Variants in NME7 observed in about 807,000 individuals in gnomAD.
NME7 encodes NME/NM23 family member 7.
In NME7, 41 loss-of-function variants were observed where a neutral mutation model predicts 49.1. That is an observed-to-expected ratio of 0.83 (90% confidence interval 0.65 to 1.08). The LOEUF is 1.08. Among genes scored for constraint, NME7 ranks in the 50% least tolerant of loss-of-function variants. NME7 has a pLI of 0.00. For missense variants in NME7, 423 were observed against 463.4 expected, an observed-to-expected ratio of 0.91 and a Z score of 0.80; for synonymous variants, 139 against 150.6, an observed-to-expected ratio of 0.92 and a Z score of 0.56.
chr1:169,186,359 T>G (rs1229646370), intron 10 of NME7, among the ~76,000 whole-genome samples: 2 of 152,158 alleles, frequency 1.3e-5, no homozygotes, highest in Non-Finnish European at 2.9e-5. Flanking sequence ...GGCTAAGGAT[T>G]TGAATGCTCT....
intron 10 of NME7, among the ~76,000 whole-genome samples, chr1:169,196,646 T>G (rs1660388402): frequency 6.6e-6 from 1 of 152,168 alleles, no homozygotes; most frequent in African/African-American, 2.4e-5. Flanking sequence ...GATTTAATAT[T>G]TGCAACTTCA....
At chr1:169,241,567 C>A (rs1366478266) in intron 7 of NME7, among the ~76,000 whole-genome samples, 1 of 151,738 alleles carries the variant, frequency 6.6e-6, no homozygotes, top group East Asian at 1.9e-4. Context: ...ATATCTATTA[C>A]AAATTCTAAG....
chr1:169,323,400 TTC>T (rs1371206629), intron 2 of NME7, 117 bp from the exon 3 acceptor site: 3 of 776,418 alleles, frequency 3.9e-6, no homozygotes, highest in Non-Finnish European at 5.5e-6. Flanking sequence ...ATAGGTTATA[TTC>T]TGTTTCTTTT....
At chr1:169,255,286 C>A (rs1648870400) in intron 7 of NME7, among the ~76,000 whole-genome samples, 1 of 138,960 alleles carries the variant, frequency 7.2e-6, no homozygotes, top group African/African-American at 2.5e-5. Context: ...GTTAGCTCTT[C>A]TTGTTGAATT....
intron 7 of NME7, among the ~76,000 whole-genome samples, chr1:169,244,361 G>C (rs10919109): frequency 6.6e-6 from 1 of 152,018 alleles, no homozygotes; most frequent in South Asian, 2.1e-4. Flanking sequence ...GGCCAGGTGC[G>C]GTGGCTCACG....
Position 169,270,888 on chromosome 1 carries a change from G to A in NME7, c.754+16415C>T, listed in dbSNP as rs1346400787. Among the ~76,000 whole-genome samples, 2 of 133,756 alleles carry A rather than the reference G, an allele frequency of 1.5e-5. 1 individual carries two copies. The highest frequency in any genetic ancestry group is 3.5e-5 in the Non-Finnish European group (2 of 56,904). 87.7% of individuals were successfully genotyped at this position (133,756 alleles called of 152,430 possible). ...GCCAGAATTCAAACCTAAACAGCCT[G>A]ATTTCAGAGTAAAAGTAATTTATTT... is the stretch of plus-strand genomic sequence containing the variant. On this transcript the variant is annotated intron_variant, in intron 7 of 11. Coordinates refer to ENST00000367811, the MANE Select transcript of NME7 (RefSeq NM_013330.5).
chr1:169,287,064 A>G, intron 7 of NME7: 1 of 435,006 alleles, frequency 2.3e-6, no homozygotes. Flanking sequence ...TAACAGTATG[A>G]CTGAGCCTGA....
At chr1:169,354,739 C>T (rs896660756) in intron 1 of NME7, among the ~76,000 whole-genome samples, 12 of 140,488 alleles carry the variant, frequency 8.5e-5, no homozygotes, top group African/African-American at 1.3e-4. Flanking sequence ...CATACACACA[C>T]CTAGTATACT....
intron 3 of NME7, among the ~76,000 whole-genome samples, chr1:169,321,409 T>C (rs1057116051): frequency 1.3e-5 from 2 of 152,306 alleles, no homozygotes; most frequent in African/African-American, 4.8e-5. Context: ...CTGAGGTGTA[T>C]GTAAAGTGCA....
At chr1:169,147,937 A>G (rs1658805970) in intron 11 of NME7, among the ~76,000 whole-genome samples, 1 of 152,228 alleles carries the variant, frequency 6.6e-6, no homozygotes, top group African/African-American at 2.4e-5. Flanking sequence ...AAAATTGCTC[A>G]TACAATATTA....
intron 10 of NME7, among the ~76,000 whole-genome samples, chr1:169,198,764 A>G (rs1442308727): frequency 2.0e-5 from 3 of 152,122 alleles, no homozygotes; most frequent in African/African-American, 7.2e-5. Flanking sequence ...TTTTGAAGTG[A>G]TGAAAATATT....
rs1650417346 is a variant in NME7, at chr1:169,289,671, TTTC to T, written c.649-2266_649-2264del. ...TATTTTTGTCTCAACTTTCCTTTGA[TTTC>T]TTTTCTCGCTCAATTTTTAAAAATA... is the stretch of plus-strand genomic sequence containing the variant. On this transcript the variant is annotated intron_variant, in intron 6 of 11. Coordinates refer to ENST00000367811, the MANE Select transcript of NME7 (RefSeq NM_013330.5). 2.0e-5 allele frequency among the ~76,000 whole-genome samples: 3 copies of T among 152,302 alleles called. No homozygotes were observed. The South Asian group carries it at 6.2e-4, about 32-fold the overall frequency.
intron 10 of NME7, among the ~76,000 whole-genome samples, chr1:169,223,895 A>G (rs1455081186): frequency 1.3e-5 from 2 of 152,148 alleles, no homozygotes; most frequent in African/African-American, 2.4e-5. Flanking sequence ...ATGCCTTCAT[A>G]TCATATCTCC....
chr1:169,263,126 TG>T (rs1649214634), intron 7 of NME7, among the ~76,000 whole-genome samples: 1 of 132,148 alleles, frequency 7.6e-6, no homozygotes. Flanking sequence ...CTTCAAAAAC[TG>T]GAGGAATATC....
At chr1:169,187,408 G>A (rs1393355995) in intron 10 of NME7, among the ~76,000 whole-genome samples, 2 of 152,036 alleles carry the variant, frequency 1.3e-5, no homozygotes, top group East Asian at 3.9e-4. Context: ...CTAAGAACTT[G>A]CTTTATGAAT....
At position 169,171,806 on chromosome 1, in the gene NME7, G is replaced by GTT. The variant is rs35524440; in HGVS notation, c.991-2254_991-2253dup. 2.1e-3 allele frequency among the ~76,000 whole-genome samples: 299 copies of GTT among 145,304 alleles called. 4 individuals carry two copies. The highest frequency in any genetic ancestry group is 7.1e-3 in the African/African-American group (282 of 39,496). On this transcript the variant is annotated intron_variant, in intron 10 of 11. Transcript: ENST00000367811. ...CAAAAATGGTTGGTAATTCCTGGCT[G>GTT]TTTTTTTTTTTTTCTTTTTTTTTAT... is the stretch of plus-strand genomic sequence containing the variant.
intron 1 of NME7, among the ~76,000 whole-genome samples, chr1:169,364,752 TAAC>T (rs1653786114): frequency 6.6e-6 from 1 of 152,194 alleles, no homozygotes; most frequent in East Asian, 1.9e-4. Flanking sequence ...ATTTATAGTT[TAAC>T]TTTGAAGCAA....
At chr1:169,251,552 TTTTTTTTTC>T (rs1209556987) in intron 7 of NME7, among the ~76,000 whole-genome samples, 1 of 126,638 alleles carries the variant, frequency 7.9e-6, no homozygotes, top group Non-Finnish European at 1.8e-5. Flanking sequence ...GGTTTCTTTT[TTTTTTTTTC>T]TTTTTTTTTT....
chr1:169,291,807 A>G (rs773515411), intron 6 of NME7, among the ~76,000 whole-genome samples: 9 of 152,128 alleles, frequency 5.9e-5, no homozygotes, highest in Non-Finnish European at 1.3e-4. Flanking sequence ...TGCATTTTTT[A>G]GCAATGAAGT....
Sources: allele counts gnomAD v4.1 joint callset (sites outside exome capture counted in the v4.1 genomes callset), GRCh38; gene constraint gnomAD v4.1.1; transcripts MANE v1.5; gene names NCBI Gene and HGNC (gene_info 2026-07-23, HGNC 2026-07-21).